MOB4: variants seen among roughly 807,000 people sequenced by gnomAD.
MOB4 encodes MOB family member 4, phocein.
In MOB4, 4 loss-of-function variants were observed where a neutral mutation model predicts 32.2. That is an observed-to-expected ratio of 0.12 (90% CI 0.06 to 0.28). The LOEUF is 0.28. MOB4 is among the 10% of genes least tolerant of loss of function. The pLI is 1.00. For missense variants in MOB4, 158 were observed against 271.2 expected, an observed-to-expected ratio of 0.58 and a Z score of 2.93; for synonymous variants, 88 against 88.1, an observed-to-expected ratio of 1.00 and a Z score of 0.01.
intron 6 of MOB4, 32 bp from the exon 7 acceptor site, chr2:197,550,243 C>G: frequency 6.3e-7 from 1 of 1,574,878 alleles, no homozygotes; most frequent in Non-Finnish European, 8.6e-7. Context: ...CTATCCAGTT[C>G]TAAGAATCTA....
rs2106143398 is a variant in MOB4 at position 197,551,974 on chromosome 2, T to C, written c.*1328T>C. 1 of 149,466 alleles carries C rather than the reference T, an allele frequency of 6.7e-6. No homozygotes were observed. Among genetic ancestry groups the C allele is most frequent in the South Asian group, 2.1e-4 (1 of 4,660 alleles). The allele number at this position is 149,466 out of a possible 1,614,324, so 9.3% of individuals were successfully genotyped here. A position where few individuals can be genotyped will look rare whatever the true frequency, so the allele number is the denominator to read the frequency against. On this transcript the variant is annotated 3_prime_UTR_variant, in exon 8 of 8. Coordinates refer to ENST00000323303, the MANE Select transcript of MOB4 (RefSeq NM_015387.5). Reference sequence around the variant, plus strand: ...AACTTTTGAACAGATTTAACAAACATGAGGAACTTTTTTATTTAGAAGGAT... The same window carrying C: ...AACTTTTGAACAGATTTAACAAACACGAGGAACTTTTTTATTTAGAAGGAT...
intron 2 of MOB4, among the ~76,000 whole-genome samples, chr2:197,528,827 C>T (rs1349410163): frequency 6.6e-6 from 1 of 151,824 alleles, no homozygotes; most frequent in Non-Finnish European, 1.5e-5. Flanking sequence ...CTGTGTTAGC[C>T]AGGATGGTCT....
rs550531445 is a variant in MOB4 at position 197,544,068 on chromosome 2, A to G, written c.354+3631A>G. Among the ~76,000 whole-genome samples the G allele has an allele frequency of 6.8e-5, 10 of 146,046 alleles. No homozygotes were observed. In the South Asian group the frequency reaches 1.3e-3, roughly 19 times the overall value. On this transcript the variant is annotated intron_variant, in intron 5 of 7. Coordinates refer to ENST00000323303, the MANE Select transcript of MOB4 (RefSeq NM_015387.5). The stretch of plus-strand genomic sequence containing the variant: ...TTTCTTTCTTTTTTTTTTTTAAGAG[A>G]CAAGAGTTTCGCTCTGTCGCCCAGG...
intron 3 of MOB4, among the ~76,000 whole-genome samples, chr2:197,537,479 G>A (rs1410608670): frequency 6.6e-6 from 1 of 152,064 alleles, no homozygotes; most frequent in Non-Finnish European, 1.5e-5. Flanking sequence ...TGTAGACAAG[G>A]CACTTTTTAA....
intron 1 of MOB4, among the ~76,000 whole-genome samples, chr2:197,522,792 G>A (rs762576962): frequency 2.6e-4 from 39 of 152,064 alleles, no homozygotes; most frequent in Non-Finnish European, 4.4e-4. Flanking sequence ...TGAAGTAGGC[G>A]GATCACGAGA....
At chr2:197,520,893 TAAA>T (rs77272123) in intron 1 of MOB4, among the ~76,000 whole-genome samples, 14 of 107,880 alleles carry the variant, frequency 1.3e-4, no homozygotes, top group South Asian at 6.0e-4. Flanking sequence ...CCTCGTCTCT[TAAA>T]AAAAAAAAAA....
chr2:197,517,641 C>T (rs1559312165), intron 1 of MOB4, among the ~76,000 whole-genome samples: 1 of 150,582 alleles, frequency 6.6e-6, no homozygotes, highest in African/African-American at 2.4e-5. Context: ...AACTTATTGT[C>T]TTTTTTTTTC....
chr2:197,536,529 G>A (rs2086801361), intron 3 of MOB4, among the ~76,000 whole-genome samples: 1 of 145,904 alleles, frequency 6.9e-6, no homozygotes, highest in Non-Finnish European at 1.5e-5. Flanking sequence ...TTCCTTAATT[G>A]TATCTCTTAA....
At chr2:197,530,837 C>A (rs1213264130) in intron 2 of MOB4, among the ~76,000 whole-genome samples, 1 of 151,994 alleles carries the variant, frequency 6.6e-6, no homozygotes, top group African/African-American at 2.4e-5. Flanking sequence ...CTTGAGTGAT[C>A]CTCCTGCCTT....
At chr2:197,547,244 A>G (rs1220940474) in intron 5 of MOB4, among the ~76,000 whole-genome samples, 3 of 152,108 alleles carry the variant, frequency 2.0e-5, no homozygotes, top group Middle Eastern at 3.2e-3. Flanking sequence ...ATCTGAGCAT[A>G]AGTGGATTTA....
At chr2:197,527,558 A>G (rs190629369) in intron 2 of MOB4, among the ~76,000 whole-genome samples, 60 of 152,178 alleles carry the variant, frequency 3.9e-4, no homozygotes, top group Non-Finnish European at 6.9e-4. Context: ...GGGATTTCCT[A>G]TATATAGGAT....
At chr2:197,524,960 A>T (rs1318817870) in intron 2 of MOB4, among the ~76,000 whole-genome samples, 2 of 151,912 alleles carry the variant, frequency 1.3e-5, no homozygotes, top group East Asian at 3.9e-4. Context: ...ATGGGGTTTC[A>T]CCATGTTGCC....
intron 2 of MOB4, among the ~76,000 whole-genome samples, chr2:197,527,333 T>C (rs1203299033): frequency 1.3e-5 from 2 of 152,206 alleles, no homozygotes. Flanking sequence ...AGCAATGTTT[T>C]GTAGTTTTCC....
chr2:197,540,481 C>A, intron 5 of MOB4, 44 bp downstream of exon 5: 2 of 1,497,280 alleles, frequency 1.3e-6, no homozygotes, highest in South Asian at 1.4e-5. Context: ...TTATTATAGC[C>A]TAAATCTCTC....
rs867639951 is a variant in MOB4, at chr2:197,516,374, T to G, written c.60+228T>G. On this transcript the variant is annotated intron_variant, in intron 1 of 7. Transcript: ENST00000323303. ...CCCAGGGGTAGGCGTGAGGGGCGGG[T>G]GGGGTCTGCTGGTGGTACCTGCCTG... 10 of 1,411,624 alleles carry G rather than the reference T, an allele frequency of 7.1e-6. No individual in the cohort carries two copies. In the African/African-American group the frequency reaches 7.3e-5, roughly 10 times the overall value. The allele number at this position is 1,411,624 out of a possible 1,614,324, so 87.4% of individuals were successfully genotyped here. A position where few individuals can be genotyped will look rare whatever the true frequency, so the allele number is the denominator to read the frequency against.
intron 2 of MOB4, among the ~76,000 whole-genome samples, chr2:197,530,038 C>T (rs528656408): frequency 6.9e-6 from 1 of 144,550 alleles, no homozygotes; most frequent in Non-Finnish European, 1.5e-5. Context: ...GGCGCGATCT[C>T]GCCTCACTGC....
At chr2:197,549,432 T>A (rs931794756) in intron 6 of MOB4, among the ~76,000 whole-genome samples, 5 of 152,166 alleles carry the variant, frequency 3.3e-5, no homozygotes, top group Non-Finnish European at 7.3e-5. Flanking sequence ...AGAGCTCATA[T>A]AAAATATGTT....
intron 3 of MOB4, among the ~76,000 whole-genome samples, chr2:197,538,971 T>C (rs1044753928): frequency 1.3e-5 from 2 of 152,184 alleles, no homozygotes; most frequent in African/African-American, 4.8e-5. Flanking sequence ...CTTTTTGTTT[T>C]CCTCTGTTAC....
intron 2 of MOB4, among the ~76,000 whole-genome samples, chr2:197,529,425 C>T (rs1247790476): frequency 6.6e-6 from 1 of 151,944 alleles, no homozygotes; most frequent in Non-Finnish European, 1.5e-5. Context: ...GATCTTGGCT[C>T]ACTGCAACCT....
Sources: gnomAD v4.1 joint callset for allele counts (sites outside exome capture counted in the v4.1 genomes callset) on GRCh38, gnomAD v4.1.1 for gene constraint, MANE v1.5 for transcripts, NCBI Gene and HGNC (gene_info 2026-07-23, HGNC 2026-07-21) for gene names.